The following HTR4 variants were observed in gnomAD, a reference collection of about 807,000 sequenced individuals.
HTR4 encodes the protein 5-hydroxytryptamine (serotonin) receptor 4, G protein-coupled.
HTR4 carries 16 observed loss-of-function variants against 36.8 expected under a neutral mutation model. The ratio of observed to expected loss-of-function variants is 0.43; its 90% CI spans 0.29 to 0.66. The LOEUF (loss-of-function observed/expected upper bound fraction) is 0.66. Ranked by LOEUF, HTR4 falls within the 30% of genes least tolerant of loss-of-function variation. HTR4 has a pLI of 0.13. For missense variants in HTR4, 438 were observed against 490.9 expected (o/e 0.89, Z 1.02); for synonymous variants, 189 against 185.1 (o/e 1.02, Z -0.17).
Position 148,510,019 on chromosome 5 carries a change from T to C in HTR4, c.513A>G (p.Glu171=). ...WNNIGIIDLI[E]KRKFNQNSNS... ...TAGAGTTCTGGTTGAACTTCCTCTT[T>C]TCTATCTGAGAGTTGGAGGGAGAGA... Residue 171 remains glutamate, a synonymous_variant, in exon 6 of 7, where the codon GAA becomes GAG. Coordinates refer to ENST00000377888, the MANE Select transcript of HTR4 (RefSeq NM_000870.7). The C allele has an allele frequency of 6.2e-7, 1 of 1,608,114 alleles. No homozygotes were observed. The highest frequency in any genetic ancestry group is 8.5e-7 in the Non-Finnish European group (1 of 1,176,124).
intron 6 of HTR4, among the ~76,000 whole-genome samples, chr5:148,485,700 A>G (rs1207664919): frequency 6.6e-6 from 1 of 151,924 alleles, no homozygotes; most frequent in Non-Finnish European, 1.5e-5. Flanking sequence ...GTAAAGGGGG[A>G]AAAAATCCTG....
intron 2 of HTR4, among the ~76,000 whole-genome samples, chr5:148,569,058 G>A (rs1760566931): frequency 6.6e-6 from 1 of 151,406 alleles, no homozygotes; most frequent in African/African-American, 2.4e-5. Flanking sequence ...GTAGTTGTAG[G>A]GTCAAGACAG....
chr5:148,567,362 A>T (rs955821636), intron 2 of HTR4, among the ~76,000 whole-genome samples: 3 of 152,162 alleles, frequency 2.0e-5, no homozygotes, highest in Non-Finnish European at 2.9e-5. Context: ...TTCTTGCAAT[A>T]AAATCTTGTC....
chr5:148,453,639 G>C (rs1312907845), intron 5 of HTR4, among the ~76,000 whole-genome samples: 1 of 152,134 alleles, frequency 6.6e-6, no homozygotes, highest in African/African-American at 2.4e-5. Flanking sequence ...AAAGAGTAAG[G>C]GGAGGAATGA....
chr5:148,540,078 G>A (rs1759029362), intron 4 of HTR4, among the ~76,000 whole-genome samples: 1 of 152,048 alleles, frequency 6.6e-6, no homozygotes, highest in South Asian at 2.1e-4. Flanking sequence ...CAGGAACATG[G>A]ATGGAGCTAT....
intron 2 of HTR4, among the ~76,000 whole-genome samples, chr5:148,606,761 T>C (rs1752181092): frequency 6.6e-6 from 1 of 152,206 alleles, no homozygotes; most frequent in South Asian, 2.1e-4. Context: ...ATACAAAATA[T>C]TTGGTGATAG....
At chr5:148,473,057 T>C (rs1387119752), downstream of HTR4, among the ~76,000 whole-genome samples, 1 of 152,054 alleles carries the variant, frequency 6.6e-6, no homozygotes, top group African/African-American at 2.4e-5. Context: ...CCTAGCACTT[T>C]GGGAGGCCGA....
intron 6 of HTR4, among the ~76,000 whole-genome samples, chr5:148,507,758 T>C (rs1043542212): frequency 6.6e-6 from 1 of 152,112 alleles, no homozygotes. Flanking sequence ...AAACTCTCTA[T>C]GAAAAAAACC....
chr5:148,580,518 C>T (rs1761090258), intron 2 of HTR4, among the ~76,000 whole-genome samples: 1 of 152,010 alleles, frequency 6.6e-6, no homozygotes, highest in African/African-American at 2.4e-5. Context: ...GTATAACTAA[C>T]ATTATATCTA....
At chr5:148,581,109 G>A (rs939914780) in intron 2 of HTR4, among the ~76,000 whole-genome samples, 1 of 151,736 alleles carries the variant, frequency 6.6e-6, no homozygotes, top group Non-Finnish European at 1.5e-5. Flanking sequence ...ATTAGTGATA[G>A]TAAGCATCTC....
chr5:148,567,838 C>T (rs563454565), intron 2 of HTR4, among the ~76,000 whole-genome samples: 1 of 152,198 alleles, frequency 6.6e-6, no homozygotes, highest in African/African-American at 2.4e-5. Flanking sequence ...TGTATTTTTC[C>T]TGATGGTATG....
chr5:148,487,730 G>A (rs1405822032), intron 6 of HTR4, among the ~76,000 whole-genome samples: 1 of 151,602 alleles, frequency 6.6e-6, no homozygotes, highest in Admixed American at 6.6e-5. Flanking sequence ...GATAGAGACA[G>A]TAGAGAGAGC....
At chr5:148,610,902 C>A (rs1000374511) in intron 2 of HTR4, among the ~76,000 whole-genome samples, 26 of 147,678 alleles carry the variant, frequency 1.8e-4, no homozygotes, top group African/African-American at 5.1e-4. Context: ...GGAGCCGATG[C>A]GATCAACTGG....
chr5:148,597,683 G>A (rs754041330), intron 2 of HTR4, among the ~76,000 whole-genome samples: 6 of 152,148 alleles, frequency 3.9e-5, no homozygotes, highest in Non-Finnish European at 8.8e-5. Flanking sequence ...CCTTTCAACT[G>A]TCACTTTCCT....
intron 5 of HTR4, among the ~76,000 whole-genome samples, chr5:148,518,491 C>G (rs1757865443): frequency 1.3e-5 from 2 of 152,166 alleles, no homozygotes; most frequent in African/African-American, 4.8e-5. Context: ...CATCACTTGC[C>G]AGGATAATTG....
At chr5:148,606,749 C>A (rs887521459) in intron 2 of HTR4, among the ~76,000 whole-genome samples, 6 of 152,116 alleles carry the variant, frequency 3.9e-5, no homozygotes, top group African/African-American at 1.4e-4. Context: ...TGGCTTAAAT[C>A]CATACAAAAT....
intron 5 of HTR4, among the ~76,000 whole-genome samples, chr5:148,460,070 G>GAT (rs752010428): frequency 4.7e-5 from 7 of 150,534 alleles, no homozygotes; most frequent in Non-Finnish European, 1.0e-4. Flanking sequence ...TGAGCTTTAG[G>GAT]ATATCTCAAT....
intron 2 of HTR4, chr5:148,629,456 T>C (rs1432818811): frequency 6.6e-6 from 1 of 152,204 alleles, no homozygotes; most frequent in African/African-American, 2.4e-5. Flanking sequence ...ATCAAGGAGC[T>C]TCTGCTTTAC....
In HTR4 at chr5:148,504,513, T is replaced by C. The variant is rs1049952104; in HGVS notation, c.1076+4943A>G. Among the ~76,000 whole-genome samples the C allele has an allele frequency of 3.9e-5, 6 of 152,294 alleles. No individual in the cohort carries two copies. In the East Asian group the frequency reaches 1.2e-3, roughly 29 times the overall value. On this transcript the variant is annotated intron_variant, in intron 6 of 6. Transcript: ENST00000377888. Reference sequence around the variant, plus strand: ...AAAGCAGTGTGTAGAGGGAAATTTATAGCACTAAATGCCCACAAGAGAAAG... The same window carrying C: ...AAAGCAGTGTGTAGAGGGAAATTTACAGCACTAAATGCCCACAAGAGAAAG...
Sources: gnomAD v4.1 joint callset for allele counts (sites outside exome capture counted in the v4.1 genomes callset) on GRCh38, gnomAD v4.1.1 for gene constraint, MANE v1.5 for transcripts, NCBI Gene and HGNC (gene_info 2026-07-23, HGNC 2026-07-21) for gene names.